Variants in COL4A4 observed in about 807,000 individuals in gnomAD.
The protein encoded by COL4A4 is collagen alpha-4(IV) chain.
A neutral mutation model predicts 192.9 loss-of-function variants in COL4A4; 105 were observed. The ratio of observed to expected loss-of-function variants is 0.54; its 90% CI spans 0.46 to 0.64. The LOEUF is 0.64. Ranked by LOEUF, COL4A4 falls within the 30% of genes least tolerant of loss-of-function variation. The pLI, the probability that COL4A4 is intolerant of heterozygous loss-of-function variation, is 0.00. For synonymous variants in COL4A4, 762 were observed against 769.9 expected (o/e 0.99, Z 0.17); for missense variants, 1,967 against 2,169.3 (o/e 0.91, Z 1.85).
chr2:227,106,213 G>A (rs1164849218), intron 12 of COL4A4, among the ~76,000 whole-genome samples: 1 of 151,686 alleles, frequency 6.6e-6, no homozygotes, highest in East Asian at 1.9e-4. Context: ...ATAAACCATT[G>A]AACAAGCACA....
chr2:227,038,483 T>G (rs1449353728), intron 37 of COL4A4, among the ~76,000 whole-genome samples: 1 of 152,220 alleles, frequency 6.6e-6, no homozygotes, highest in African/African-American at 2.4e-5. Flanking sequence ...TGTACTATAG[T>G]TTGAAATCAG....
At chr2:227,013,434 CT>C (rs1964235577) in intron 44 of COL4A4, among the ~76,000 whole-genome samples, 1 of 152,248 alleles carries the variant, frequency 6.6e-6, no homozygotes, top group East Asian at 1.9e-4. Context: ...TAAAATGAGC[CT>C]CTTAGGCTGG....
At chr2:227,156,703 A>G (rs1313618049) in intron 1 of COL4A4, among the ~76,000 whole-genome samples, 1 of 152,182 alleles carries the variant, frequency 6.6e-6, no homozygotes, top group Non-Finnish European at 1.5e-5. Flanking sequence ...TAGGAAACCT[A>G]TAATGGATAT....
chr2:227,045,971 ATG>A (rs369185624), intron 35 of COL4A4, among the ~76,000 whole-genome samples: 8 of 52,498 alleles, frequency 1.5e-4, no homozygotes, highest in Non-Finnish European at 2.7e-4. Flanking sequence ...ATATATTTAT[ATG>A]TGTATATGTA....
chr2:227,098,023 T>C (rs1231779003), intron 19 of COL4A4, among the ~76,000 whole-genome samples: 1 of 152,226 alleles, frequency 6.6e-6, no homozygotes, highest in African/African-American at 2.4e-5. Flanking sequence ...CTGAAGGAGT[T>C]CAAAGTCCTT....
intron 46 of COL4A4, among the ~76,000 whole-genome samples, chr2:227,009,134 G>A (rs913473644): frequency 1.3e-5 from 2 of 152,208 alleles, no homozygotes; most frequent in African/African-American, 4.8e-5. Context: ...CCCTTGTGAT[G>A]GGAAAGGCCA....
intron 25 of COL4A4, among the ~76,000 whole-genome samples, chr2:227,067,855 A>C (rs961753828): frequency 6.7e-6 from 1 of 148,210 alleles, no homozygotes; most frequent in Non-Finnish European, 1.5e-5. Flanking sequence ...GAAGGCAAGA[A>C]ATAACTAAAA....
intron 35 of COL4A4, among the ~76,000 whole-genome samples, chr2:227,045,704 G>T (rs1476487528): frequency 6.8e-6 from 1 of 148,106 alleles, no homozygotes; most frequent in African/African-American, 2.5e-5. Context: ...AGAAGGTGGA[G>T]GTTGCAGTGA....
At chr2:227,144,610 A>G in intron 2 of COL4A4, 52 bp from the exon 3 acceptor site, 1 of 1,409,062 alleles carries the variant, frequency 7.1e-7, no homozygotes, top group Non-Finnish European at 1.0e-6. Context: ...TTTCATGTGA[A>G]ACAAAAAGAA....
At chr2:227,020,914 T>G (rs1965896854) in intron 44 of COL4A4, among the ~76,000 whole-genome samples, 1 of 145,998 alleles carries the variant, frequency 6.8e-6, no homozygotes, top group African/African-American at 2.7e-5. Flanking sequence ...AGTTTCGCTC[T>G]TGTTGCCCAG....
chr2:227,147,353 GAACA>G, intron 2 of COL4A4, 56 bp downstream of exon 2: 1 of 1,496,834 alleles, frequency 6.7e-7, no homozygotes, highest in South Asian at 1.1e-5. Context: ...TACATCCATA[GAACA>G]AACATTGAGT....
intron 44 of COL4A4, among the ~76,000 whole-genome samples, chr2:227,019,676 G>A (rs576932353): frequency 2.6e-5 from 4 of 152,286 alleles, no homozygotes; most frequent in South Asian, 2.1e-4. Context: ...GTTTTGTTTC[G>A]TTTTGTTTTA....
At chr2:227,099,066 CTGTTTTTGTTTT>C (rs753926817) in intron 18 of COL4A4, among the ~76,000 whole-genome samples, 1 of 152,030 alleles carries the variant, frequency 6.6e-6, no homozygotes, top group South Asian at 2.1e-4. Context: ...TCAAATAGTT[CTGTTTTTGTTTT>C]TGTTTTTGTT....
intron 25 of COL4A4, among the ~76,000 whole-genome samples, chr2:227,065,871 CG>C (rs1314787869): frequency 1.3e-5 from 2 of 152,236 alleles, no homozygotes; most frequent in African/African-American, 4.8e-5. Context: ...CAAAGCTGGA[CG>C]GAGAATCACT....
intron 25 of COL4A4, among the ~76,000 whole-genome samples, chr2:227,076,548 C>T (rs554219096): frequency 1.3e-5 from 2 of 152,220 alleles, no homozygotes; most frequent in Admixed American, 6.5e-5. Context: ...TAGAAGAAAA[C>T]CTAGGCAATA....
intron 40 of COL4A4, among the ~76,000 whole-genome samples, chr2:227,031,073 A>ATGGATGGATG (rs1559452539): frequency 3.6e-5 from 2 of 56,028 alleles, no homozygotes; most frequent in African/African-American, 9.7e-5. Context: ...ATGGATGGAT[A>ATGGATGGATG]GACTGATGGA....
downstream of COL4A4, chr2:226,999,095 T>C (rs2149657940): frequency 1.3e-5 from 2 of 152,372 alleles, no homozygotes; most frequent in East Asian, 3.9e-4. Context: ...TGTCTTTAAA[T>C]TGTAAGCTTC....
At chr2:227,133,131 A>T (rs73993689) in intron 4 of COL4A4, among the ~76,000 whole-genome samples, 2,395 of 152,268 alleles carry the variant, frequency 0.016, 58 homozygotes, top group African/African-American at 0.055. Context: ...GGCCTGGGTC[A>T]TGCTGGGTCA....
intron 24 of COL4A4, 114 bp downstream of exon 24, chr2:227,080,329 A>C: frequency 5.2e-6 from 5 of 960,828 alleles, no homozygotes; most frequent in Non-Finnish European, 8.5e-6. Context: ...TCTGATTTAT[A>C]GTATGTTGAT....
Sources: gnomAD v4.1 joint callset for allele counts (sites outside exome capture counted in the v4.1 genomes callset) on GRCh38, gnomAD v4.1.1 for gene constraint, MANE v1.5 for transcripts, NCBI Gene and HGNC (gene_info 2026-07-23, HGNC 2026-07-21) for gene names.